The following GFRA1 variants were observed in gnomAD, a reference collection of about 807,000 sequenced individuals.
GFRA1 encodes GDNF family receptor alpha-1.
Under a neutral mutation model 51.6 loss-of-function variants are expected in GFRA1, and 16 were observed. The ratio of observed to expected loss-of-function variants is 0.31; its 90% CI spans 0.21 to 0.47. GFRA1 has a LOEUF of 0.47. Ranked by LOEUF, GFRA1 falls within the 20% of genes least tolerant of loss-of-function variation. The pLI, the probability that GFRA1 is intolerant of heterozygous loss-of-function variation, is 1.00. For missense variants in GFRA1, 530 were observed against 594.3 expected, an observed-to-expected ratio of 0.89 and a Z score of 1.13; for synonymous variants, 270 against 241.3, an observed-to-expected ratio of 1.12 and a Z score of -1.10.
chr10:116,181,227 C>T (rs1312311484), intron 5 of GFRA1, among the ~76,000 whole-genome samples: 1 of 152,178 alleles, frequency 6.6e-6, no homozygotes, highest in African/African-American at 2.4e-5. Context: ...GAAAAGCAGA[C>T]ATCAGGAAAT....
intron 5 of GFRA1, among the ~76,000 whole-genome samples, chr10:116,142,548 T>C (rs991051734): frequency 9.2e-5 from 14 of 152,196 alleles, no homozygotes; most frequent in Non-Finnish European, 1.5e-4. Context: ...AAAGTAGAAA[T>C]GTGTCCCCAC....
chr10:116,229,002 A>G (rs1342539328), intron 4 of GFRA1, among the ~76,000 whole-genome samples: 1 of 149,300 alleles, frequency 6.7e-6, no homozygotes, highest in Admixed American at 6.7e-5. Context: ...AAAAAAAAAA[A>G]AAAAAGAAAG....
At chr10:116,075,216 T>TA (rs892625219) in intron 9 of GFRA1, among the ~76,000 whole-genome samples, 3 of 149,446 alleles carry the variant, frequency 2.0e-5, no homozygotes, top group East Asian at 2.0e-4. Flanking sequence ...AATAGTGGTT[T>TA]AAAAAAAAAA....
intron 4 of GFRA1, among the ~76,000 whole-genome samples, chr10:116,254,792 A>G (rs1225930455): frequency 1.3e-5 from 2 of 152,222 alleles, no homozygotes; most frequent in Non-Finnish European, 2.9e-5. Flanking sequence ...CACAGGAAGA[A>G]TATCTCAGGG....
rs533652073 is a variant in GFRA1 at position 116,084,655 on chromosome 10, A to G, written c.1197+5086T>C. 3.3e-5 allele frequency among the ~76,000 whole-genome samples: 5 copies of G among 152,252 alleles called. No homozygotes were observed. The East Asian group carries it at 9.7e-4, about 29-fold the overall frequency. On this transcript the variant is annotated intron_variant, in intron 9 of 10. Transcript: ENST00000355422. The stretch of plus-strand genomic sequence containing the variant: ...CCACAGAAATCAGAGGTCGACAAAC[A>G]CCACATTAAGATGTCTTCACTGTAA...
intron 6 of GFRA1, among the ~76,000 whole-genome samples, chr10:116,098,345 T>C (rs1956688156): frequency 6.6e-6 from 1 of 152,246 alleles, no homozygotes; most frequent in African/African-American, 2.4e-5. Context: ...TTCCTGACTT[T>C]AATTGAACAC....
chr10:116,174,268 A>G (rs1228961469), intron 5 of GFRA1, among the ~76,000 whole-genome samples: 1 of 152,214 alleles, frequency 6.6e-6, no homozygotes, highest in Non-Finnish European at 1.5e-5. Flanking sequence ...GTAACCAAGT[A>G]ACACTTTTCA....
intron 4 of GFRA1, among the ~76,000 whole-genome samples, chr10:116,258,592 T>C (rs1221317998): frequency 6.6e-6 from 1 of 151,952 alleles, no homozygotes; most frequent in Non-Finnish European, 1.5e-5. Flanking sequence ...TCATGGGATA[T>C]TTTCATGGGC....
chr10:116,113,104 TTC>T (rs142851347), intron 6 of GFRA1, among the ~76,000 whole-genome samples: 1 of 151,714 alleles, frequency 6.6e-6, no homozygotes, highest in Non-Finnish European at 1.5e-5. Flanking sequence ...TTAATGACTT[TTC>T]TCTCTCTCTC....
chr10:116,183,058 C>T (rs1029091195), intron 5 of GFRA1, among the ~76,000 whole-genome samples: 2 of 152,194 alleles, frequency 1.3e-5, no homozygotes, highest in Admixed American at 6.5e-5. Context: ...TTTCTCTTTG[C>T]CGCCTTGATG....
At chr10:116,200,132 T>C (rs1477742433) in intron 5 of GFRA1, among the ~76,000 whole-genome samples, 1 of 152,228 alleles carries the variant, frequency 6.6e-6, no homozygotes, top group Middle Eastern at 3.2e-3. Flanking sequence ...ACCTGGACTA[T>C]TTCCAGTTTG....
chr10:116,127,231 C>T (rs2420237), intron 5 of GFRA1, among the ~76,000 whole-genome samples: 4,950 of 152,200 alleles, frequency 0.033, 145 homozygotes, highest in East Asian at 0.15. Flanking sequence ...ACACTTAAAA[C>T]TTTGTTAAGA....
At chr10:116,082,239 C>T (rs1158699473) in intron 9 of GFRA1, among the ~76,000 whole-genome samples, 1 of 151,896 alleles carries the variant, frequency 6.6e-6, no homozygotes, top group African/African-American at 2.4e-5. Context: ...AGTCACAGCT[C>T]CAAGAGGCAG....
intron 5 of GFRA1, among the ~76,000 whole-genome samples, chr10:116,153,254 C>T (rs753547727): frequency 6.6e-6 from 1 of 152,198 alleles, no homozygotes; most frequent in Non-Finnish European, 1.5e-5. Flanking sequence ...GAGCTACACT[C>T]TGACTGATAA....
At chr10:116,248,169 A>G (rs1438770789) in intron 4 of GFRA1, among the ~76,000 whole-genome samples, 1 of 152,158 alleles carries the variant, frequency 6.6e-6, no homozygotes, top group Admixed American at 6.5e-5. Flanking sequence ...AACTTCTTGC[A>G]GAATGTGGCC....
chr10:116,164,034 C>A lies in GFRA1; in HGVS notation c.434-38477G>T, dbSNP rs572050833. Among the ~76,000 whole-genome samples the A allele has an allele frequency of 8.5e-5, 13 of 152,256 alleles. No individual in the cohort carries two copies. The East Asian group carries it at 2.5e-3, about 30-fold the overall frequency. On this transcript the variant is annotated intron_variant, in intron 5 of 10. Coordinates refer to ENST00000355422, the MANE Select transcript of GFRA1 (RefSeq NM_005264.8). ...ACACCATTCCCACTCCCGAAGAGGC[C>A]TGTGGCAGCAGGAGGTCAGGAGCTC... is the stretch of plus-strand genomic sequence containing the variant.
chr10:116,145,079 G>A (rs886934891), intron 5 of GFRA1, among the ~76,000 whole-genome samples: 1 of 147,570 alleles, frequency 6.8e-6, no homozygotes, highest in African/African-American at 2.5e-5. Flanking sequence ...AACCCGGGAG[G>A]TGGAGGTTGC....
rs1353049342 is a variant in GFRA1, at chr10:116,196,621, TATATATA to T, written c.433+15003_433+15009del. Among the ~76,000 whole-genome samples, 142 of 39,844 alleles carry T rather than the reference TATATATA, an allele frequency of 3.6e-3. 18 individuals carry two copies. The highest frequency in any genetic ancestry group is 0.011 in the African/African-American group (133 of 11,764). The allele number at this position is 39,844 out of a possible 152,430, so 26.1% of individuals were successfully genotyped here. A position where few individuals can be genotyped will look rare whatever the true frequency, so the allele number is the denominator to read the frequency against. On this transcript the variant is annotated intron_variant, in intron 5 of 10. Transcript: ENST00000355422. The stretch of plus-strand genomic sequence containing the variant: ...AATATATATATAGTACTATATATAA[TATATATA>T]ATATATAGTACTATATATAATATAT...
At chr10:116,227,759 TA>T (rs1966400633) in intron 4 of GFRA1, among the ~76,000 whole-genome samples, 1 of 152,292 alleles carries the variant, frequency 6.6e-6, no homozygotes, top group Admixed American at 6.5e-5. Context: ...AAACAGAGCT[TA>T]ATTCCATCTC....
Sources: allele counts gnomAD v4.1 joint callset (sites outside exome capture counted in the v4.1 genomes callset), GRCh38; gene constraint gnomAD v4.1.1; transcripts MANE v1.5; gene names NCBI Gene and HGNC (gene_info 2026-07-23, HGNC 2026-07-21).